The following SAR1A variants were observed in gnomAD, a reference collection of about 807,000 sequenced individuals.
SAR1A encodes the protein small COPII coat GTPase SAR1A.
SAR1A carries 6 observed loss-of-function variants against 22.6 expected under a neutral mutation model. The ratio of observed to expected loss-of-function variants is 0.27; its 90% CI spans 0.15 to 0.52. The LOEUF (loss-of-function observed/expected upper bound fraction) is 0.52. Among genes scored for constraint, SAR1A ranks in the 20% least tolerant of loss-of-function variants. The probability of loss-of-function intolerance (pLI) is 0.96; values close to 1 mark genes in which losing one functional copy is unlikely to be tolerated. For synonymous variants in SAR1A, 70 were observed against 82.2 expected (o/e 0.85, Z 0.80); for missense variants, 145 against 245.1 (o/e 0.59, Z 2.73).
At chr10:70,155,326 A>T (rs986212548) in intron 5 of SAR1A, among the ~76,000 whole-genome samples, 1 of 152,224 alleles carries the variant, frequency 6.6e-6, no homozygotes, top group African/African-American at 2.4e-5. Flanking sequence ...AAAATTTAAA[A>T]AAGACAAATG....
chr10:70,160,914 A>T, intron 4 of SAR1A, 90 bp downstream of exon 4: 1 of 756,072 alleles, frequency 1.3e-6, no homozygotes, highest in Non-Finnish European at 2.2e-6. Flanking sequence ...GTAATTTAAA[A>T]GGTAAAAATG....
Position 70,151,277 on chromosome 10 carries a change from A to G in SAR1A, c.*1199T>C, listed in dbSNP as rs1299430163. 1 of 149,530 alleles carries G rather than the reference A, an allele frequency of 6.7e-6. No individual in the cohort carries two copies. The highest frequency in any genetic ancestry group is 2.4e-5 in the African/African-American group (1 of 41,234). 9.3% of individuals were successfully genotyped at this position (149,530 alleles called of 1,614,324 possible). A position where few individuals can be genotyped will look rare whatever the true frequency, so the allele number is the denominator to read the frequency against. On this transcript the variant is annotated 3_prime_UTR_variant, in exon 7 of 7. Transcript: ENST00000373241. ...TTCATACCAAAAAAAAAAAAAAAAA[A>G]AAAAAAACCTGGAAAAGCTACAGAT...
chr10:70,159,896 T>C (rs1431091613), intron 4 of SAR1A, among the ~76,000 whole-genome samples: 3 of 152,170 alleles, frequency 2.0e-5, no homozygotes, highest in African/African-American at 7.2e-5. Flanking sequence ...ACCAAAGACA[T>C]AGCCTGAGTA....
chr10:70,159,150 A>G (rs1312159280), intron 4 of SAR1A, among the ~76,000 whole-genome samples: 1 of 152,236 alleles, frequency 6.6e-6, no homozygotes, highest in Non-Finnish European at 1.5e-5. Context: ...ACAGAAAAAA[A>G]GGAAACAAAA....
At chr10:70,161,787 C>A (rs748367878) in intron 2 of SAR1A, 49 bp from the exon 3 acceptor site, 21 of 1,613,282 alleles carry the variant, frequency 1.3e-5, no homozygotes, top group Non-Finnish European at 1.7e-5. Flanking sequence ...CAGACCAAAG[C>A]CTATTTGTAG....
intron 1 of SAR1A, among the ~76,000 whole-genome samples, chr10:70,162,497 A>AGGGGCAGGGGAGGG (rs1839487609): frequency 6.5e-5 from 2 of 30,966 alleles, no homozygotes; most frequent in African/African-American, 1.3e-4. Context: ...GGAGGGGAGG[A>AGGGGCAGGGGAGGG]GGGGAAGGGG....
At position 70,161,638 on chromosome 10, in the gene SAR1A, A is replaced by G. The variant is rs1839468646; in HGVS notation, c.159T>C (p.His53=). 6.2e-7 allele frequency: 1 copy of G among 1,612,198 alleles called. No homozygotes were observed. The highest frequency in any genetic ancestry group is 1.7e-5 in the Admixed American group (1 of 60,004). Residue 53 remains histidine (H), a synonymous_variant, in exon 3 of 7, where the codon CAT becomes CAC. Transcript: ENST00000373241. The part of the protein sequence containing the change: ...HMLKDDRLGQ[H]VPTLHPTSEE... ...ACCTACTCGGATGTAGTGTTGGAAC[A>G]TGTTGGCCCAATCTGTCATCTTTGA...
At chr10:70,163,722 T>G in intron 1 of SAR1A, 1 of 844,850 alleles carries the variant, frequency 1.2e-6, no homozygotes, top group Non-Finnish European at 2.1e-6. Flanking sequence ...ATTGTAGAAT[T>G]CAAAGAAGTT....
intron 5 of SAR1A, among the ~76,000 whole-genome samples, chr10:70,155,619 A>G (rs1056390485): frequency 2.0e-5 from 3 of 152,236 alleles, no homozygotes; most frequent in African/African-American, 7.2e-5. Flanking sequence ...CTATAAAAAA[A>G]TCAATAAAGA....
chr10:70,149,488 T>TA lies in SAR1A; in HGVS notation c.*2987dup, dbSNP rs1399969757. The TA allele has an allele frequency of 2.7e-5, 4 of 150,802 alleles. No homozygotes were observed. In the East Asian group the frequency reaches 7.9e-4, roughly 30 times the overall value. 9.3% of individuals were successfully genotyped at this position (150,802 alleles called of 1,614,324 possible). ...TGGGTTTTTGTAAAAGCAGTCTTCC[T>TA]ACAAGCCTAGTAAAGGAAATTCTTT... On this transcript the variant is annotated 3_prime_UTR_variant, in exon 7 of 7. Transcript: ENST00000373241.
intron 4 of SAR1A, among the ~76,000 whole-genome samples, chr10:70,159,997 G>A (rs960551310): frequency 6.6e-6 from 1 of 152,160 alleles, no homozygotes; most frequent in African/African-American, 2.4e-5. Context: ...ATATCAACTT[G>A]TATCAGAGTA....
chr10:70,159,582 T>C lies in SAR1A; in HGVS notation c.244+1422A>G, dbSNP rs117672369. ...AGCCCAGGAAGTAGAGGTTGCAGTA[T>C]GCCAAAATTGTGCCACTGCACTCCA... On this transcript the variant is annotated intron_variant, in intron 4 of 6. Transcript: ENST00000373241. Among the ~76,000 whole-genome samples the C allele has an allele frequency of 5.3e-3, 808 of 152,044 alleles. 1 individual carries two copies. The highest frequency in any genetic ancestry group is 8.6e-3 in the Non-Finnish European group (583 of 67,972).
At chr10:70,161,262 T>C (rs1258992166) in intron 3 of SAR1A, 193 bp from the exon 4 acceptor site, 3 of 561,904 alleles carry the variant, frequency 5.3e-6, no homozygotes, top group African/African-American at 1.9e-5. Flanking sequence ...CCAGGATTTT[T>C]GAGACCAGCC....
intron 1 of SAR1A, among the ~76,000 whole-genome samples, chr10:70,167,200 A>C (rs1839565144): frequency 6.6e-6 from 1 of 152,114 alleles, no homozygotes; most frequent in South Asian, 2.1e-4. Flanking sequence ...GGATCTAGAC[A>C]CACTGGTGGG....
intron 1 of SAR1A, among the ~76,000 whole-genome samples, chr10:70,166,366 A>C (rs1839550269): frequency 6.6e-6 from 1 of 152,226 alleles, no homozygotes; most frequent in Non-Finnish European, 1.5e-5. Context: ...CTTATCAATA[A>C]TGTGAATCAG....
rs1564568147 is a variant in SAR1A, at chr10:70,151,256, TACCAAAAAA to T, written c.*1211_*1219del. 1 of 3,810 alleles carries T rather than the reference TACCAAAAAA, an allele frequency of 2.6e-4. No individual in the cohort carries two copies. 0.2% of individuals were successfully genotyped at this position (3,810 alleles called of 1,614,324 possible). On this transcript the variant is annotated 3_prime_UTR_variant, in exon 7 of 7. Transcript: ENST00000373241. ...TCTGCAATGGAGAAAGACAATTTCATACCAAAAAAAAAAAAAAAAAAAAAAAAACCTGGA... is the reference window on the plus strand; with the variant it reads ...TCTGCAATGGAGAAAGACAATTTCATAAAAAAAAAAAAAAAAAAACCTGGA...
At chr10:70,155,473 T>C (rs937195788) in intron 5 of SAR1A, among the ~76,000 whole-genome samples, 10 of 152,188 alleles carry the variant, frequency 6.6e-5, no homozygotes, top group African/African-American at 1.9e-4. Context: ...TACACAAAAT[T>C]AGAATAAGAA....
intron 6 of SAR1A, among the ~76,000 whole-genome samples, 197 bp downstream of exon 6, chr10:70,153,641 T>C (rs1839353701): frequency 6.6e-6 from 1 of 152,206 alleles, no homozygotes; most frequent in African/African-American, 2.4e-5. Flanking sequence ...CTTCCTCAAA[T>C]ACCTGATGAA....
intron 3 of SAR1A, 86 bp from the exon 4 acceptor site, chr10:70,161,155 C>A: frequency 1.0e-6 from 1 of 956,008 alleles, no homozygotes; most frequent in Non-Finnish European, 1.6e-6. Context: ...TCAATGCTTT[C>A]ATCTTGTAAA....
Sources: gnomAD v4.1 joint callset for allele counts (sites outside exome capture counted in the v4.1 genomes callset) on GRCh38, gnomAD v4.1.1 for gene constraint, MANE v1.5 for transcripts, NCBI Gene and HGNC (gene_info 2026-07-23, HGNC 2026-07-21) for gene names.